SPAG9: variants seen among roughly 807,000 people sequenced by gnomAD.
SPAG9 encodes sperm associated antigen 9, also known as C-Jun-amino-terminal kinase-interacting protein 4.
A neutral mutation model predicts 166.5 loss-of-function variants in SPAG9; 35 were observed. The ratio of observed to expected loss-of-function variants is 0.21; its 90% CI spans 0.16 to 0.28. The LOEUF is 0.28. Among genes scored for constraint, SPAG9 ranks in the 10% least tolerant of loss-of-function variants. The pLI is 1.00. For missense variants in SPAG9, 1,235 were observed against 1,603.3 expected (o/e 0.77, Z 3.92); for synonymous variants, 534 against 565.5 (o/e 0.94, Z 0.79).
chr17:51,010,582 A>T (rs8070251), intron 9 of SPAG9, among the ~76,000 whole-genome samples: 54,858 of 130,206 alleles, frequency 0.42, 11,706 homozygotes, highest in Non-Finnish European at 0.49. Context: ...AAAAAAAAAA[A>T]ATATATATAT....
At chr17:51,115,260 C>A (rs1229324018) in intron 1 of SPAG9, among the ~76,000 whole-genome samples, 1 of 152,036 alleles carries the variant, frequency 6.6e-6, no homozygotes, top group Non-Finnish European at 1.5e-5. Flanking sequence ...GCCATGATAA[C>A]TCACTGCAGT....
At chr17:51,077,013 G>GCTAGCTATCTAGCTATCTAT (rs1397931639) in intron 2 of SPAG9, among the ~76,000 whole-genome samples, 3 of 62,902 alleles carry the variant, frequency 4.8e-5, no homozygotes, top group South Asian at 8.8e-4. Flanking sequence ...TAGCTAGCTA[G>GCTAGCTATCTAGCTATCTAT]CTAGCTATCT....
intron 1 of SPAG9, among the ~76,000 whole-genome samples, chr17:51,113,535 C>T (rs1350937744): frequency 2.0e-5 from 3 of 150,950 alleles, no homozygotes; most frequent in Admixed American, 6.6e-5. Context: ...CAAAAGTTAG[C>T]GAGGTGTGGT....
intron 1 of SPAG9, among the ~76,000 whole-genome samples, chr17:51,080,205 T>C (rs919158058): frequency 2.6e-5 from 4 of 152,184 alleles, no homozygotes; most frequent in African/African-American, 9.7e-5. Context: ...TCATCAAGGA[T>C]AGTAACACTA....
chr17:51,094,206 C>T (rs1243256114), intron 1 of SPAG9, among the ~76,000 whole-genome samples: 3 of 152,144 alleles, frequency 2.0e-5, no homozygotes, highest in African/African-American at 4.8e-5. Flanking sequence ...AAACTGTATC[C>T]AGGCACACAA....
intron 1 of SPAG9, among the ~76,000 whole-genome samples, chr17:51,104,337 C>G (rs2048882242): frequency 6.6e-6 from 1 of 152,122 alleles, no homozygotes; most frequent in African/African-American, 2.4e-5. Flanking sequence ...AGTTGGCACT[C>G]AATGAAAGTA....
At chr17:51,094,746 AT>A (rs796261562) in intron 1 of SPAG9, among the ~76,000 whole-genome samples, 45 of 152,314 alleles carry the variant, frequency 3.0e-4, no homozygotes, top group African/African-American at 9.9e-4. Flanking sequence ...CATACATTAC[AT>A]TTGGATAATA....
chr17:51,118,722 T>A (rs977273066), intron 1 of SPAG9, among the ~76,000 whole-genome samples: 4 of 152,286 alleles, frequency 2.6e-5, no homozygotes, highest in African/African-American at 9.6e-5. Context: ...CTTCCTTCCC[T>A]ATATGAAAGG....
chr17:51,066,616 G>A (rs969674472), intron 2 of SPAG9, among the ~76,000 whole-genome samples: 6 of 150,270 alleles, frequency 4.0e-5, no homozygotes, highest in African/African-American at 1.2e-4. Context: ...CAGCACTTTG[G>A]GAGGCCAAGG....
chr17:50,971,371 A>C (rs1973789776), intron 28 of SPAG9, among the ~76,000 whole-genome samples: 1 of 151,974 alleles, frequency 6.6e-6, no homozygotes, highest in Admixed American at 6.6e-5. Flanking sequence ...TAAGTAAAGC[A>C]ATTTTGTAAC....
intron 5 of SPAG9, chr17:51,040,593 T>C (rs923340348): frequency 6.6e-5 from 10 of 152,310 alleles, no homozygotes; most frequent in African/African-American, 2.2e-4. Context: ...GCTAGGCACT[T>C]TTCCAAGTGC....
intron 6 of SPAG9, among the ~76,000 whole-genome samples, chr17:51,030,480 T>C (rs2046342890): frequency 6.6e-6 from 1 of 152,162 alleles, no homozygotes; most frequent in African/African-American, 2.4e-5. Flanking sequence ...TATACCTACA[T>C]TTCTTTCTCC....
At chr17:51,021,983 C>T (rs1365591091) in intron 6 of SPAG9, among the ~76,000 whole-genome samples, 1 of 151,916 alleles carries the variant, frequency 6.6e-6, no homozygotes, top group East Asian at 1.9e-4. Context: ...AGTAGCCAGG[C>T]ATGGTGGCAG....
At chr17:51,114,357 C>A (rs1489671437) in intron 1 of SPAG9, among the ~76,000 whole-genome samples, 1 of 151,580 alleles carries the variant, frequency 6.6e-6, no homozygotes, top group Non-Finnish European at 1.5e-5. Flanking sequence ...ATGGGCCAGG[C>A]ATGGTGGCTC....
At chr17:51,113,170 A>G (rs1229130568) in intron 1 of SPAG9, among the ~76,000 whole-genome samples, 2 of 151,468 alleles carry the variant, frequency 1.3e-5, no homozygotes, top group South Asian at 2.1e-4. Context: ...CCTGACCAAC[A>G]TGGAGAAACC....
intron 1 of SPAG9, among the ~76,000 whole-genome samples, chr17:51,105,633 G>T (rs544355928): frequency 6.6e-6 from 1 of 151,564 alleles, no homozygotes; most frequent in South Asian, 2.1e-4. Flanking sequence ...CACTTTGGGA[G>T]GCGAGGTGGG....
intron 2 of SPAG9, among the ~76,000 whole-genome samples, chr17:51,074,495 A>G (rs914446664): frequency 6.6e-5 from 10 of 152,242 alleles, no homozygotes; most frequent in African/African-American, 2.4e-4. Flanking sequence ...TTGATTAACC[A>G]CAGTTTGTAA....
In SPAG9 at chr17:51,120,726, G is replaced by A. The variant is rs2049455360; in HGVS notation, c.-70C>T. The A allele has an allele frequency of 1.4e-6, 2 of 1,381,428 alleles. No individual in the cohort carries two copies. The highest frequency in any genetic ancestry group is 1.4e-5 in the South Asian group (1 of 73,232). The allele number at this position is 1,381,428 out of a possible 1,614,324, so 85.6% of individuals were successfully genotyped here. On this transcript the variant is annotated 5_prime_UTR_variant, in exon 1 of 30. Coordinates refer to ENST00000262013, the MANE Select transcript of SPAG9 (RefSeq NM_001130528.3). The surrounding 1 kb of genome is among the most constrained non-coding windows in gnomAD (Gnocchi z 4.7). ...GGGGCGGCACCTGCCCGCACGGGAC[G>A]GACCCGACTCGGGCTGGGACGGGTA...
intron 1 of SPAG9, among the ~76,000 whole-genome samples, chr17:51,113,323 A>AG (rs2049176835): frequency 6.8e-6 from 1 of 148,076 alleles, no homozygotes. Flanking sequence ...ATTGCGCTCC[A>AG]GCCTGGGCAA....
Sources: gnomAD v4.1 joint callset for allele counts (sites outside exome capture counted in the v4.1 genomes callset) on GRCh38, gnomAD v4.1.1 for gene constraint, Gnocchi (gnomAD v3.1) non-coding constraint, MANE v1.5 for transcripts, NCBI Gene and HGNC (gene_info 2026-07-23, HGNC 2026-07-21) for gene names.